Variants in FBN3 observed in about 807,000 individuals in gnomAD.
The protein encoded by FBN3 is fibrillin 3.
A neutral mutation model predicts 330.1 loss-of-function variants in FBN3; 234 were observed. The observed-to-expected ratio is 0.71, with a 90% confidence interval of 0.64 to 0.79. The LOEUF is 0.79. Ranked by LOEUF, FBN3 falls within the 30% of genes least tolerant of loss-of-function variation. FBN3 has a pLI of 0.00. For missense variants in FBN3, 3,606 were observed against 3,886.9 expected (o/e 0.93, Z 1.92); for synonymous variants, 1,458 against 1,517.3 (o/e 0.96, Z 0.91).
intron 59 of FBN3, among the ~76,000 whole-genome samples, chr19:8,076,620 C>T (rs911437222): frequency 2.6e-5 from 4 of 152,180 alleles, no homozygotes; most frequent in African/African-American, 9.7e-5. Context: ...GTCTGGGTGA[C>T]TGACAGAGTG....
intron 61 of FBN3, among the ~76,000 whole-genome samples, chr19:8,073,950 G>C (rs2081581827): frequency 6.6e-6 from 1 of 152,128 alleles, no homozygotes; most frequent in African/African-American, 2.4e-5. Flanking sequence ...CCACAAGAGT[G>C]AACTACCATG....
At chr19:8,080,151 C>T (rs1008032560) in intron 59 of FBN3, among the ~76,000 whole-genome samples, 10 of 152,284 alleles carry the variant, frequency 6.6e-5, no homozygotes, top group African/African-American at 2.4e-4. Flanking sequence ...TTAACAAAAG[C>T]AAGCAGGGGG....
intron 6 of FBN3, among the ~76,000 whole-genome samples, chr19:8,144,634 A>T (rs946463273): frequency 1.3e-5 from 2 of 151,732 alleles, no homozygotes; most frequent in African/African-American, 4.8e-5. Context: ...CCTGCCCCTC[A>T]GACTGGCACA....
chr19:8,129,598 A>G lies in FBN3; in HGVS notation c.2045-233T>C, dbSNP rs538780803. On this transcript the variant is annotated intron_variant, in intron 16 of 63. Coordinates refer to ENST00000600128, the MANE Select transcript of FBN3 (RefSeq NM_032447.5). This position sits in a 1 kb window ranked among gnomAD's most constrained non-coding sequence, Gnocchi z 4.5. ...GAGGGGCCATCCCACGCATTTTAGGATGTCGAGCAGCTCCCGTGGCCTCCA... is the reference window on the plus strand; with the variant it reads ...GAGGGGCCATCCCACGCATTTTAGGGTGTCGAGCAGCTCCCGTGGCCTCCA... 6.6e-6 allele frequency among the ~76,000 whole-genome samples: 1 copy of G among 152,080 alleles called. No individual in the cohort carries two copies. Among genetic ancestry groups the G allele is most frequent in the South Asian group, 2.1e-4 (1 of 4,804 alleles).
At chr19:8,091,406 A>G (rs8104453) in intron 48 of FBN3, 59 bp downstream of exon 48, 1,125,125 of 1,582,348 alleles carry the variant, frequency 0.71, 405,370 homozygotes, top group African/African-American at 0.91. Context: ...TTTTCTGGGC[A>G]ATCTGACCCT....
chr19:8,074,809 C>A, intron 61 of FBN3: 1 of 439,660 alleles, frequency 2.3e-6, no homozygotes, highest in Non-Finnish European at 4.0e-6. Context: ...CACAAAATTG[C>A]AGACTTCAGG....
chr19:8,132,240 G>A (rs1424310832), intron 14 of FBN3, among the ~76,000 whole-genome samples: 1 of 151,992 alleles, frequency 6.6e-6, no homozygotes, highest in African/African-American at 2.4e-5. Context: ...TAGAGACGGA[G>A]TCTCATCATG....
chr19:8,119,679 A>G (rs1233543554), intron 25 of FBN3, among the ~76,000 whole-genome samples: 1 of 151,264 alleles, frequency 6.6e-6, no homozygotes, highest in Non-Finnish European at 1.5e-5. Context: ...AAGCCCAGCT[A>G]ATTTTTGTAT....
intron 13 of FBN3, among the ~76,000 whole-genome samples, chr19:8,134,198 C>T (rs903206059): frequency 5.3e-5 from 8 of 151,808 alleles, no homozygotes; most frequent in South Asian, 2.1e-4. Flanking sequence ...GCCAGGATCA[C>T]GCCACTGCAC....
rs532262495 is a variant in FBN3, at chr19:8,129,407, G to T, written c.2045-42C>A. ...GTGTGTCAGCAGCAGCAGAAGGAGGGTGTGTCCGAGGCAGGAGGAGGGTGT... is the reference window on the plus strand; with the variant it reads ...GTGTGTCAGCAGCAGCAGAAGGAGGTTGTGTCCGAGGCAGGAGGAGGGTGT... On this transcript the variant is annotated intron_variant, in intron 16 of 63. Transcript: ENST00000600128. This position sits in a 1 kb window ranked among gnomAD's most constrained non-coding sequence, Gnocchi z 4.5. The T allele has an allele frequency of 7.5e-6, 12 of 1,607,972 alleles. No individual in the cohort carries two copies. In the African/African-American group the frequency reaches 1.5e-4, roughly 20 times the overall value.
chr19:8,135,932 C>G, intron 13 of FBN3, 29 bp downstream of exon 13: 1 of 1,232,360 alleles, frequency 8.1e-7, no homozygotes, highest in Non-Finnish European at 1.1e-6. Context: ...GCCCGGAAGC[C>G]CCTGCCCACC....
intron 37 of FBN3, among the ~76,000 whole-genome samples, chr19:8,107,367 T>TG (rs2082465434): frequency 1.2e-5 from 1 of 81,754 alleles, no homozygotes; most frequent in South Asian, 4.0e-4. Flanking sequence ...GGGGAATAAG[T>TG]GGGGGGATGG....
chr19:8,096,124 ATTGGGGAAC>A lies in FBN3; in HGVS notation c.5540-53_5540-45del, dbSNP rs2082204162. 6.8e-7 allele frequency: 1 copy of A among 1,479,786 alleles called. No homozygotes were observed. Among genetic ancestry groups the A allele is most frequent in the African/African-American group, 1.4e-5 (1 of 72,458 alleles). The allele number at this position is 1,479,786 out of a possible 1,614,324, so 91.7% of individuals were successfully genotyped here. The stretch of plus-strand genomic sequence containing the variant: ...GAGCCCAACCCAGCTCACCCAGGGC[ATTGGGGAAC>A]TTGGGGAGTGAGAGGCCAGCTGGAC... On this transcript the variant is annotated intron_variant, in intron 44 of 63. Coordinates refer to ENST00000600128, the MANE Select transcript of FBN3 (RefSeq NM_032447.5). This position sits in a 1 kb window ranked among gnomAD's most constrained non-coding sequence, Gnocchi z 4.6.
Position 8,085,989 on chromosome 19 carries a change from GA to G in FBN3, c.6880+210del, listed in dbSNP as rs1416908466. ...AGACAGTGGGAGGGACAGGCAGTGG[GA>G]GGGACAGGCAGTGGGGGGACAGGCA... is the stretch of plus-strand genomic sequence containing the variant. On this transcript the variant is annotated intron_variant, in intron 55 of 63. Coordinates refer to ENST00000600128, the MANE Select transcript of FBN3 (RefSeq NM_032447.5). Among the ~76,000 whole-genome samples the G allele has an allele frequency of 2.0e-3, 288 of 146,440 alleles. 1 individual carries two copies. Among genetic ancestry groups the G allele is most frequent in the African/African-American group, 6.1e-3 (238 of 38,820 alleles).
At chr19:8,124,103 T>G in intron 22 of FBN3, 95 bp from the exon 23 acceptor site, 1 of 1,098,824 alleles carries the variant, frequency 9.1e-7, no homozygotes, top group Middle Eastern at 2.0e-4. Flanking sequence ...GGAAACTTTC[T>G]CCCGGACGTA....
chr19:8,085,119 C>T (rs2081906316), intron 56 of FBN3, among the ~76,000 whole-genome samples: 1 of 152,114 alleles, frequency 6.6e-6, no homozygotes, highest in Non-Finnish European at 1.5e-5. Context: ...TGTCTCAGAA[C>T]ACATACACAC....
intron 57 of FBN3, among the ~76,000 whole-genome samples, chr19:8,082,639 A>G (rs12610395): frequency 0.49 from 74,242 of 151,398 alleles, 18,471 homozygotes; most frequent in Admixed American, 0.54. Flanking sequence ...GATTATAGGC[A>G]TGCACCAGCA....
chr19:8,090,858 A>G (rs2082081807), intron 48 of FBN3, among the ~76,000 whole-genome samples: 3 of 152,152 alleles, frequency 2.0e-5, no homozygotes, highest in Non-Finnish European at 4.4e-5. Flanking sequence ...TGCCAGGAAG[A>G]AAGATCAAAC....
intron 51 of FBN3, among the ~76,000 whole-genome samples, chr19:8,089,267 G>A (rs2082038795): frequency 6.6e-6 from 1 of 152,202 alleles, no homozygotes; most frequent in South Asian, 2.1e-4. Context: ...ATGAGAAAAT[G>A]AGTAAGTGAG....
Sources: gnomAD v4.1 joint callset for allele counts (sites outside exome capture counted in the v4.1 genomes callset) on GRCh38, gnomAD v4.1.1 for gene constraint, Gnocchi (gnomAD v3.1) non-coding constraint, MANE v1.5 for transcripts, NCBI Gene and HGNC (gene_info 2026-07-23, HGNC 2026-07-21) for gene names.